The following SLC8A1 variants were observed in gnomAD, a reference collection of about 807,000 sequenced individuals.
SLC8A1 encodes the protein sodium/calcium exchanger 1.
Under a neutral mutation model 68.3 loss-of-function variants are expected in SLC8A1, and 18 were observed. The observed-to-expected ratio is 0.26, with a 90% CI of 0.18 to 0.39. The LOEUF (loss-of-function observed/expected upper bound fraction) is 0.39. Among genes scored for constraint, SLC8A1 ranks in the 10% least tolerant of loss-of-function variants. The pLI, the probability that SLC8A1 is intolerant of heterozygous loss-of-function variation, is 1.00. For missense variants in SLC8A1, 985 were observed against 1,156.7 expected (o/e 0.85, Z 2.15); for synonymous variants, 475 against 415.5 (o/e 1.14, Z -1.74).
intron 2 of SLC8A1, among the ~76,000 whole-genome samples, chr2:40,293,382 A>G (rs1048439384): frequency 7.2e-5 from 11 of 152,334 alleles, no homozygotes; most frequent in Non-Finnish European, 1.3e-4. Context: ...ATTGACAGCC[A>G]TAACTCTGGA....
chr2:40,269,907 A>G (rs777703163), intron 2 of SLC8A1, among the ~76,000 whole-genome samples: 11 of 152,170 alleles, frequency 7.2e-5, no homozygotes, highest in Non-Finnish European at 1.5e-4. Flanking sequence ...GTGGAGAACT[A>G]AAGTCTTCAA....
At chr2:40,174,632 A>C (rs565509998) in intron 4 of SLC8A1, 74 bp downstream of exon 6, 2 of 1,303,638 alleles carry the variant, frequency 1.5e-6, no homozygotes, top group Non-Finnish European at 2.2e-6. Context: ...TGCAAGTTAC[A>C]TAAGATGTAG....
intron 1 of SLC8A1, among the ~76,000 whole-genome samples, chr2:40,437,460 G>T (rs1699658514): frequency 2.6e-5 from 4 of 152,090 alleles, no homozygotes; most frequent in African/African-American, 9.7e-5. Context: ...TGAAGACAGA[G>T]GTCTGAAATC....
Position 40,253,129 on chromosome 2 carries a change from G to A in SLC8A1, c.1809-75274C>T, listed in dbSNP as rs1043340011. 5.6e-5 allele frequency among the ~76,000 whole-genome samples: 6 copies of A among 106,206 alleles called. No individual in the cohort carries two copies. The East Asian group carries it at 1.1e-3, about 20-fold the overall frequency. 69.7% of individuals were successfully genotyped at this position (106,206 alleles called of 152,430 possible). ...TATATACGTGTATACATATATACAC[G>A]TATATATGTATATGTATATACATAC... On this transcript the variant is annotated intron_variant, in intron 2 of 7. Coordinates refer to ENST00000406785, the Ensembl canonical transcript of SLC8A1.
chr2:40,452,094 G>C (rs901800605), upstream of SLC8A1: 10 of 149,438 alleles, frequency 6.7e-5, no homozygotes, highest in South Asian at 1.9e-4. Context: ...CCGCGGCAGC[G>C]GGCAGCGGTG....
intron 2 of SLC8A1, among the ~76,000 whole-genome samples, chr2:40,196,084 C>CT (rs1378472872): frequency 2.0e-5 from 3 of 147,712 alleles, no homozygotes; most frequent in African/African-American, 7.5e-5. Context: ...AATCAGGAGA[C>CT]TAACAACTTT....
At chr2:40,423,494 T>A (rs1696053577) in intron 2 of SLC8A1, among the ~76,000 whole-genome samples, 1 of 152,030 alleles carries the variant, frequency 6.6e-6, no homozygotes, top group South Asian at 2.1e-4. Flanking sequence ...AACTGATATA[T>A]AAATTCTCCT....
intron 2 of SLC8A1, among the ~76,000 whole-genome samples, chr2:40,188,588 G>A (rs1381220627): frequency 6.6e-6 from 1 of 152,156 alleles, no homozygotes; most frequent in Non-Finnish European, 1.5e-5. Context: ...TTCTTCCTAT[G>A]TTACGTTTCT....
intron 2 of SLC8A1, chr2:40,177,933 G>A: frequency 1.1e-6 from 1 of 930,230 alleles, no homozygotes; most frequent in Non-Finnish European, 1.7e-6. Context: ...CAAGCTGAAT[G>A]TTACTGTGAT....
chr2:40,268,791 T>C (rs2065672487), intron 2 of SLC8A1, among the ~76,000 whole-genome samples: 1 of 152,014 alleles, frequency 6.6e-6, no homozygotes, highest in African/African-American at 2.4e-5. Flanking sequence ...TCAGAGAAAG[T>C]CCAACACTTA....
At chr2:40,471,058 T>C (rs1172085254) in intron 1 of SLC8A1, among the ~76,000 whole-genome samples, 1 of 152,172 alleles carries the variant, frequency 6.6e-6, no homozygotes, top group Admixed American at 6.5e-5. Flanking sequence ...ATCTGTGAAA[T>C]TGCTGATTTT....
chr2:40,461,396 G>A (rs369602245), intron 1 of SLC8A1, among the ~76,000 whole-genome samples: 4 of 152,168 alleles, frequency 2.6e-5, no homozygotes, highest in African/African-American at 9.6e-5. Flanking sequence ...TGGATTTACT[G>A]CTCCCACTGC....
intron 2 of SLC8A1, among the ~76,000 whole-genome samples, chr2:40,385,488 A>G (rs1277988311): frequency 7.0e-6 from 1 of 143,040 alleles, no homozygotes; most frequent in East Asian, 2.0e-4. Flanking sequence ...ACAGAAGTAT[A>G]AATATAGGTG....
chr2:40,509,780 C>T (rs1706596052), intron 1 of SLC8A1, among the ~76,000 whole-genome samples: 1 of 151,766 alleles, frequency 6.6e-6, no homozygotes. Flanking sequence ...TGCTTCATAC[C>T]TCAGCTAACT....
chr2:40,336,830 G>T (rs1159094332), intron 2 of SLC8A1, among the ~76,000 whole-genome samples: 1 of 152,046 alleles, frequency 6.6e-6, no homozygotes, highest in Non-Finnish European at 1.5e-5. Flanking sequence ...ATGTCACATG[G>T]AATCTTGACT....
At chr2:40,269,207 C>T (rs2065727442) in intron 2 of SLC8A1, among the ~76,000 whole-genome samples, 1 of 152,176 alleles carries the variant, frequency 6.6e-6, no homozygotes, top group Non-Finnish European at 1.5e-5. Context: ...AATTATAGGA[C>T]TGTTAGCTTA....
At chr2:40,436,782 G>C (rs2149811510) in intron 1 of SLC8A1, among the ~76,000 whole-genome samples, 1 of 152,144 alleles carries the variant, frequency 6.6e-6, no homozygotes, top group Admixed American at 6.5e-5. Flanking sequence ...GTAGAAAAAA[G>C]AAAGCTGGAG....
chr2:40,145,434 G>C (rs1355295525), intron 6 of SLC8A1, among the ~76,000 whole-genome samples: 1 of 152,158 alleles, frequency 6.6e-6, no homozygotes, highest in East Asian at 1.9e-4. Flanking sequence ...TCACAAGTCT[G>C]TATGTAAAGC....
chr2:40,214,228 C>G (rs1157120490), intron 2 of SLC8A1, among the ~76,000 whole-genome samples: 1 of 152,156 alleles, frequency 6.6e-6, no homozygotes. Context: ...ATTATAGCCT[C>G]TTCAGCTATG....
Sources: allele counts gnomAD v4.1 joint callset (sites outside exome capture counted in the v4.1 genomes callset), GRCh38; gene constraint gnomAD v4.1.1; transcripts MANE v1.5; gene names NCBI Gene and HGNC (gene_info 2026-07-23, HGNC 2026-07-21).